The following GP6 variants were observed in gnomAD, a reference collection of about 807,000 sequenced individuals.
GP6 encodes platelet glycoprotein VI.
A neutral mutation model predicts 37.3 loss-of-function variants in GP6; 45 were observed. The observed-to-expected ratio is 1.21, with a 90% confidence interval of 0.95 to 1.55. The LOEUF (loss-of-function observed/expected upper bound fraction) is 1.55. GP6 is among the 40% of genes most tolerant of loss of function. The pLI is 0.00. For missense variants in GP6, 813 were observed against 760.2 expected (o/e 1.07, Z -0.82); for synonymous variants, 340 against 316.4 (o/e 1.07, Z -0.79).
intron 6 of GP6, 40 bp downstream of exon 6, chr19:55,018,612 A>G: frequency 8.7e-7 from 1 of 1,144,528 alleles, no homozygotes; most frequent in Non-Finnish European, 1.3e-6. Context: ...CTCCGTCCTC[A>G]CACTCCTTTC....
intron 4 of GP6, 28 bp downstream of exon 4, chr19:55,027,550 A>G (rs929541571): frequency 1.3e-6 from 2 of 1,593,814 alleles, no homozygotes; most frequent in East Asian, 2.2e-5. Context: ...AGGCTGAGGA[A>G]GAAAGGTTTG....
At chr19:55,015,755 AGT>A (rs1250758798) in intron 6 of GP6, 22 bp from the exon 7 acceptor site, 2 of 1,385,850 alleles carry the variant, frequency 1.4e-6, no homozygotes, top group African/African-American at 1.4e-5. Flanking sequence ...ACAAAGGCTA[AGT>A]GTGAAATGAA....
At chr19:55,034,487 C>T (rs372403263) in intron 1 of GP6, among the ~76,000 whole-genome samples, 30 of 151,198 alleles carry the variant, frequency 2.0e-4, no homozygotes, top group Non-Finnish European at 3.4e-4. Flanking sequence ...ACCCGGGAGG[C>T]GGAGGTTGCA....
intron 1 of GP6, chr19:55,032,888 T>TGGGCTCGTTCGTGTTAGACAC (rs2074626834): frequency 2.9e-6 from 1 of 350,164 alleles, no homozygotes; most frequent in Non-Finnish European, 5.2e-6. Context: ...TTAGACACGG[T>TGGGCTCGTTCGTGTTAGACAC]GGACTCGTTC....
chr19:55,024,307 CATATGCACGCACACACACAT>C (rs2074203818), intron 5 of GP6, among the ~76,000 whole-genome samples: 12 of 13,842 alleles, frequency 8.7e-4, no homozygotes, highest in Non-Finnish European at 2.3e-3. Context: ...CATGCACACA[CATATGCACGCACACACACAT>C]ATGCACGCAC....
Position 55,014,425 on chromosome 19 carries a change from A to G in GP6, c.1520T>C (p.Leu507Pro). 1 of 1,613,610 alleles carries G rather than the reference A, an allele frequency of 6.2e-7. No homozygotes were observed. The highest frequency in any genetic ancestry group is 8.5e-7 in the Non-Finnish European group (1 of 1,179,518). Reference sequence around the variant, plus strand: ...CAAACTGCCTGCAAGACCCGTTCTGAGAGACGAAAGGAGATTTGTTAGACC... The same window carrying G: ...CAAACTGCCTGCAAGACCCGTTCTGGGAGACGAAAGGAGATTTGTTAGACC... The change falls in exon 8 of 8, where the codon CTC becomes CCC. Residue 507 changes from leucine (L) to proline (P), a missense_variant. Coordinates refer to ENST00000310373, the MANE Select transcript of GP6 (RefSeq NM_001083899.2).
At chr19:55,038,144 T>C in intron 1 of GP6, 59 bp downstream of exon 1, 2 of 1,351,930 alleles carry the variant, frequency 1.5e-6, no homozygotes, top group East Asian at 2.4e-5. Flanking sequence ...TAAAAATCCT[T>C]TGTCTGGCAG....
chr19:55,020,306 C>T (rs2074032332), intron 5 of GP6, among the ~76,000 whole-genome samples: 1 of 151,652 alleles, frequency 6.6e-6, no homozygotes, highest in African/African-American at 2.4e-5. Context: ...TTTGCTGCAC[C>T]CATCAACCCA....
intron 7 of GP6, 93 bp downstream of exon 7, chr19:55,015,590 C>G (rs1368151214): frequency 1.2e-6 from 1 of 808,154 alleles, no homozygotes; most frequent in African/African-American, 1.7e-5. Context: ...AACCCAAGAT[C>G]TGAGAGCTGC....
intron 6 of GP6, 70 bp from the exon 7 acceptor site, chr19:55,015,803 G>T: frequency 1.2e-6 from 1 of 823,548 alleles, no homozygotes; most frequent in Non-Finnish European, 2.1e-6. Flanking sequence ...TGCCTACTCC[G>T]AACACACACA....
At chr19:55,027,919 T>C (rs1298919935) in intron 3 of GP6, 57 bp from the exon 4 acceptor site, 1 of 1,564,460 alleles carries the variant, frequency 6.4e-7, no homozygotes, top group Non-Finnish European at 8.8e-7. Context: ...CAGCTGAGAC[T>C]GGGGAGGTCC....
Position 55,038,251 on chromosome 19 carries a change from G to A in GP6, c.-15C>T, listed in dbSNP as rs2074914750. On this transcript the variant is annotated 5_prime_UTR_variant, in exon 1 of 8. Coordinates refer to ENST00000310373, the MANE Select transcript of GP6 (RefSeq NM_001083899.2). ...GATGGAGACATGGTTCCTCAGCCCT[G>A]TCCTGAGCTCTGTGGCCAGGGAGGG... is the stretch of plus-strand genomic sequence containing the variant. 6.3e-7 allele frequency: 1 copy of A among 1,581,646 alleles called. No homozygotes were observed. Among genetic ancestry groups the A allele is most frequent in the African/African-American group, 1.3e-5 (1 of 74,596 alleles).
intron 3 of GP6, among the ~76,000 whole-genome samples, chr19:55,030,599 T>C (rs1351646320): frequency 6.7e-6 from 1 of 150,314 alleles, no homozygotes; most frequent in Non-Finnish European, 1.5e-5. Flanking sequence ...CACCTCAGCC[T>C]CCCAAAGTAC....
intron 3 of GP6, among the ~76,000 whole-genome samples, chr19:55,031,209 A>T (rs1352236430): frequency 6.6e-6 from 1 of 152,152 alleles, no homozygotes; most frequent in Non-Finnish European, 1.5e-5. Context: ...CCTGGGTGAA[A>T]TATTTCCATT....
chr19:55,032,179 G>C lies in GP6; in HGVS notation c.285C>G (p.Leu95=). 1.2e-6 allele frequency: 2 copies of C among 1,614,050 alleles called. No individual in the cohort carries two copies. Reference sequence around the variant, plus strand: ...CCAGCTGGTCGCTGGGCAGGGACCAGAGGCTTCCGTTCTGGTAGGAGCAGC... The same window carrying C: ...CCAGCTGGTCGCTGGGCAGGGACCACAGGCTTCCGTTCTGGTAGGAGCAGC... Residue 95 remains leucine (L), a synonymous_variant, in exon 3 of 8, where the codon CTC becomes CTG. Transcript: ENST00000310373.
chr19:55,022,622 C>G (rs1217509099), intron 5 of GP6, among the ~76,000 whole-genome samples: 1 of 152,170 alleles, frequency 6.6e-6, no homozygotes, highest in Non-Finnish European at 1.5e-5. Context: ...ATCATCTCAG[C>G]CCAAAAGTTT....
At chr19:55,033,389 C>T (rs865993136) in intron 1 of GP6, among the ~76,000 whole-genome samples, 7 of 11,148 alleles carry the variant, frequency 6.3e-4, no homozygotes, top group Admixed American at 1.5e-3. Context: ...TGGACTCGTT[C>T]GTGTTGTGTT....
At chr19:55,017,613 G>A (rs2073924702) in intron 6 of GP6, among the ~76,000 whole-genome samples, 2 of 152,142 alleles carry the variant, frequency 1.3e-5, no homozygotes, top group Admixed American at 1.3e-4. Flanking sequence ...GTGTGTGGCT[G>A]AGAACAGCAT....
In GP6 at chr19:55,014,151, T is replaced by G. The variant is rs937456277; in HGVS notation, c.1794A>C (p.Leu598=). 4.3e-6 allele frequency: 3 copies of G among 699,200 alleles called. No individual in the cohort carries two copies. The African/African-American group carries it at 5.2e-5, about 12-fold the overall frequency. 43.3% of individuals were successfully genotyped at this position (699,200 alleles called of 1,614,324 possible). Residue 598 remains leucine (L), a synonymous_variant, in exon 8 of 8, where the codon CTA becomes CTC. Transcript: ENST00000310373. ...CAAAGTCAGGCTTCGTCACCCGAGC[T>G]AGAGTGCAGTGGTGTGATCTCAGCT...
Sources: gnomAD v4.1 joint callset for allele counts (sites outside exome capture counted in the v4.1 genomes callset) on GRCh38, gnomAD v4.1.1 for gene constraint, MANE v1.5 for transcripts, NCBI Gene and HGNC (gene_info 2026-07-23, HGNC 2026-07-21) for gene names.